The following HECW2 variants were observed in gnomAD, a reference collection of about 807,000 sequenced individuals.
The protein encoded by HECW2 is E3 ubiquitin-protein ligase HECW2.
A neutral mutation model predicts 175.2 loss-of-function variants in HECW2; 61 were observed. The observed-to-expected ratio is 0.35, with a 90% CI of 0.28 to 0.43. The LOEUF (loss-of-function observed/expected upper bound fraction) is 0.43. Among genes scored for constraint, HECW2 ranks in the 20% least tolerant of loss-of-function variants. The pLI, the probability that HECW2 is intolerant of heterozygous loss-of-function variation, is 1.00. For missense variants in HECW2, 1,524 were observed against 2,000.5 expected (o/e 0.76, Z 4.54); for synonymous variants, 671 against 731.0 (o/e 0.92, Z 1.32).
chr2:196,273,319 G>A (rs138024922), intron 16 of HECW2, among the ~76,000 whole-genome samples: 6 of 152,076 alleles, frequency 3.9e-5, no homozygotes, highest in South Asian at 2.1e-4. Context: ...TGCCCATCTC[G>A]GCCTCCCAAA....
At chr2:196,242,277 A>G in intron 19 of HECW2, 73 bp from the exon 20 acceptor site, 1 of 1,577,514 alleles carries the variant, frequency 6.3e-7, no homozygotes, top group Non-Finnish European at 8.7e-7. Context: ...CACCATGGAC[A>G]AAAGCTATCA....
At chr2:196,464,369 C>T (rs888704732) in intron 1 of HECW2, among the ~76,000 whole-genome samples, 1 of 152,108 alleles carries the variant, frequency 6.6e-6, no homozygotes, top group Non-Finnish European at 1.5e-5. Context: ...ACTTAAGTAT[C>T]ATCAATATTT....
chr2:196,378,759 C>G (rs1273380984), intron 2 of HECW2, among the ~76,000 whole-genome samples: 1 of 152,038 alleles, frequency 6.6e-6, no homozygotes, highest in Non-Finnish European at 1.5e-5. Context: ...AAGATAATTA[C>G]AAAATTCATA....
chr2:196,469,696 T>C (rs1035130032), intron 1 of HECW2, among the ~76,000 whole-genome samples: 1 of 151,474 alleles, frequency 6.6e-6, no homozygotes, highest in Non-Finnish European at 1.5e-5. Context: ...AAAAGACAAA[T>C]GAAAAGTTGA....
intron 2 of HECW2, among the ~76,000 whole-genome samples, chr2:196,401,116 A>G (rs559697098): frequency 1.3e-5 from 2 of 152,226 alleles, no homozygotes; most frequent in Non-Finnish European, 2.9e-5. Flanking sequence ...TCATGCCTAG[A>G]AATTGTTTTT....
intron 2 of HECW2, among the ~76,000 whole-genome samples, chr2:196,386,893 T>C (rs1237687157): frequency 1.3e-5 from 2 of 152,186 alleles, no homozygotes; most frequent in African/African-American, 4.8e-5. Flanking sequence ...ATGATTGTAG[T>C]CGTTTGCTAG....
chr2:196,295,874 T>C (rs1050253747), intron 13 of HECW2, among the ~76,000 whole-genome samples: 2 of 152,170 alleles, frequency 1.3e-5, no homozygotes, highest in Admixed American at 6.5e-5. Context: ...CAATGAAACA[T>C]GTAGTATGGT....
chr2:196,358,666 T>C (rs1412038024), intron 2 of HECW2, among the ~76,000 whole-genome samples: 2 of 150,504 alleles, frequency 1.3e-5, no homozygotes, highest in Non-Finnish European at 3.0e-5. Context: ...TTTCATTTCA[T>C]TACTCAAAAG....
chr2:196,255,884 G>A (rs1029394641), intron 18 of HECW2, among the ~76,000 whole-genome samples: 58 of 152,122 alleles, frequency 3.8e-4, no homozygotes, highest in African/African-American at 1.4e-3. Flanking sequence ...TCCAGCCTGG[G>A]CAACACGGTG....
intron 1 of HECW2, among the ~76,000 whole-genome samples, chr2:196,522,063 C>G (rs1366793293): frequency 6.6e-6 from 1 of 152,220 alleles, no homozygotes; most frequent in Non-Finnish European, 1.5e-5. Context: ...ACCACACTGA[C>G]TTCCACAATG....
At position 196,343,656 on chromosome 2, in the gene HECW2, C is replaced by T. The variant is rs1217846951; in HGVS notation, c.400+1G>A. 1 of 1,589,302 alleles carries T rather than the reference C, an allele frequency of 6.3e-7. No homozygotes were observed. Among genetic ancestry groups the T allele is most frequent in the Non-Finnish European group, 8.6e-7 (1 of 1,157,604 alleles). On this transcript the variant is annotated splice_donor_variant, in intron 3 of 28. Coordinates refer to ENST00000644978, the MANE Select transcript of HECW2 (RefSeq NM_001348768.2). LOFTEE classifies it high-confidence loss of function. ...TTTATATTTCACACTTAGTTACTTA[C>T]GTTCCATGAAATAGGGCCCAGGCTC...
chr2:196,260,984 G>A (rs1689267171), intron 17 of HECW2, among the ~76,000 whole-genome samples: 1 of 152,102 alleles, frequency 6.6e-6, no homozygotes, highest in South Asian at 2.1e-4. Context: ...CTTGCCATAT[G>A]ACTTCGGGTC....
chr2:196,274,179 A>G lies in HECW2; in HGVS notation c.3136-56T>C, dbSNP rs879222183. ...ACCAAGAGCCAGAATGCTCTATATC[A>G]GCATCCCAAACCAAGTTGTTCAAAA... On this transcript the variant is annotated intron_variant, in intron 15 of 28. Transcript: ENST00000644978. 1.1e-5 allele frequency: 15 copies of G among 1,306,528 alleles called. 1 individual carries two copies. In the South Asian group the frequency reaches 1.7e-4, roughly 15 times the overall value. The allele number at this position is 1,306,528 out of a possible 1,614,324, so 80.9% of individuals were successfully genotyped here.
intron 2 of HECW2, among the ~76,000 whole-genome samples, chr2:196,402,641 C>A (rs766130473): frequency 3.3e-5 from 5 of 152,130 alleles, no homozygotes; most frequent in South Asian, 4.1e-4. Flanking sequence ...TCACAGTATA[C>A]CTTTAACAAT....
intron 1 of HECW2, among the ~76,000 whole-genome samples, chr2:196,488,627 A>AATAC (rs1442292064): frequency 6.9e-6 from 1 of 144,384 alleles, no homozygotes; most frequent in Admixed American, 6.7e-5. Context: ...ATGAAGAATG[A>AATAC]ATACACACAC....
chr2:196,252,642 C>T (rs148460008), intron 19 of HECW2, among the ~76,000 whole-genome samples: 126 of 152,318 alleles, frequency 8.3e-4, no homozygotes, highest in Middle Eastern at 3.4e-3. Flanking sequence ...TCAACAGAAG[C>T]CAAGCAAATG....
intron 1 of HECW2, among the ~76,000 whole-genome samples, chr2:196,472,862 C>T (rs1223372470): frequency 6.6e-6 from 1 of 152,208 alleles, no homozygotes; most frequent in African/African-American, 2.4e-5. Context: ...CTCAAGTGAT[C>T]CACCCGCCTT....
At chr2:196,411,481 T>A (rs1312706387) in intron 2 of HECW2, among the ~76,000 whole-genome samples, 2 of 152,208 alleles carry the variant, frequency 1.3e-5, no homozygotes, top group Admixed American at 1.3e-4. Flanking sequence ...AATACAAAGG[T>A]CTTGTGCAAA....
At chr2:196,451,901 T>A in intron 1 of HECW2, among the ~76,000 whole-genome samples, 1 of 152,192 alleles carries the variant, frequency 6.6e-6, no homozygotes, top group Non-Finnish European at 1.5e-5. Flanking sequence ...ATCGTCTCAA[T>A]AAGTAAATAA....
Sources: allele counts gnomAD v4.1 joint callset (sites outside exome capture counted in the v4.1 genomes callset), GRCh38; gene constraint gnomAD v4.1.1; transcripts MANE v1.5; gene names NCBI Gene and HGNC (gene_info 2026-07-23, HGNC 2026-07-21).